Variants in CNTNAP2 observed in about 807,000 individuals in gnomAD.
CNTNAP2 encodes the protein contactin-associated protein-like 2.
Under a neutral mutation model 155.2 loss-of-function variants are expected in CNTNAP2, and 98 were observed. That is an observed-to-expected ratio of 0.63 (90% CI 0.54 to 0.75). The LOEUF is 0.75. Among genes scored for constraint, CNTNAP2 ranks in the 30% least tolerant of loss-of-function variants. The pLI is 0.00. For synonymous variants in CNTNAP2, 651 were observed against 631.2 expected (o/e 1.03, Z -0.47); for missense variants, 1,727 against 1,688.1 (o/e 1.02, Z -0.40).
intron 16 of CNTNAP2, among the ~76,000 whole-genome samples, chr7:148,138,623 G>A (rs1196849032): frequency 6.6e-6 from 1 of 152,152 alleles, no homozygotes; most frequent in South Asian, 2.1e-4. Flanking sequence ...ATCTCTAGGG[G>A]ATCCTTAGGT....
At chr7:147,989,377 C>T (rs1201757516) in intron 15 of CNTNAP2, among the ~76,000 whole-genome samples, 1 of 152,194 alleles carries the variant, frequency 6.6e-6, no homozygotes, top group Non-Finnish European at 1.5e-5. Flanking sequence ...AGATCCTTAC[C>T]TCAGCTGCAA....
chr7:146,825,755 T>G (rs1803388380), intron 2 of CNTNAP2, among the ~76,000 whole-genome samples: 1 of 152,172 alleles, frequency 6.6e-6, no homozygotes, highest in African/African-American at 2.4e-5. Flanking sequence ...CTCATCTTTT[T>G]GTCCTTTCAT....
chr7:147,424,884 A>G (rs1212035294), intron 10 of CNTNAP2, among the ~76,000 whole-genome samples: 1 of 152,130 alleles, frequency 6.6e-6, no homozygotes, highest in Non-Finnish European at 1.5e-5. Flanking sequence ...CATCCAGTCC[A>G]ACCTATCAGG....
intron 13 of CNTNAP2, among the ~76,000 whole-genome samples, chr7:147,899,366 T>C (rs1476882730): frequency 1.3e-5 from 2 of 151,724 alleles, no homozygotes; most frequent in African/African-American, 2.4e-5. Flanking sequence ...TATAAAGTAG[T>C]CAAATCATAG....
At chr7:148,206,180 C>T (rs1328339888) in intron 18 of CNTNAP2, among the ~76,000 whole-genome samples, 1 of 148,466 alleles carries the variant, frequency 6.7e-6, no homozygotes, top group Non-Finnish European at 1.5e-5. Flanking sequence ...CTTGCTCTCA[C>T]ATGGTTCAGG....
At chr7:146,347,208 T>C (rs1024457946) in intron 1 of CNTNAP2, among the ~76,000 whole-genome samples, 15 of 149,706 alleles carry the variant, frequency 1.0e-4, no homozygotes, top group African/African-American at 2.7e-4. Flanking sequence ...TTTTGAATGC[T>C]ATAAAAATAG....
At chr7:148,069,324 T>G (rs1803333376) in intron 15 of CNTNAP2, among the ~76,000 whole-genome samples, 2 of 152,278 alleles carry the variant, frequency 1.3e-5, no homozygotes, top group South Asian at 2.1e-4. Flanking sequence ...GGATGTCAGT[T>G]TAGGCCCCCA....
At chr7:147,431,385 C>A (rs977889039) in intron 10 of CNTNAP2, among the ~76,000 whole-genome samples, 1 of 152,124 alleles carries the variant, frequency 6.6e-6, no homozygotes, top group Non-Finnish European at 1.5e-5. Context: ...AAACTATAAA[C>A]TTTTCCCTGT....
chr7:146,210,652 C>G (rs919368553), intron 1 of CNTNAP2, among the ~76,000 whole-genome samples: 2 of 152,132 alleles, frequency 1.3e-5, no homozygotes, highest in Admixed American at 1.3e-4. Context: ...CAGGCTATAC[C>G]TATATCATAA....
At chr7:148,202,127 T>C (rs1292058531) in intron 18 of CNTNAP2, among the ~76,000 whole-genome samples, 1 of 152,002 alleles carries the variant, frequency 6.6e-6, no homozygotes, top group Non-Finnish European at 1.5e-5. Context: ...GTTGCGGTAT[T>C]TCATATGTGG....
chr7:147,108,749 G>T (rs1178049050), intron 5 of CNTNAP2, among the ~76,000 whole-genome samples: 1 of 152,130 alleles, frequency 6.6e-6, no homozygotes, highest in Admixed American at 6.6e-5. Context: ...AAGGGACTAG[G>T]TTAATACGTC....
chr7:148,193,300 C>T (rs955054329), intron 18 of CNTNAP2, among the ~76,000 whole-genome samples: 1 of 152,132 alleles, frequency 6.6e-6, no homozygotes, highest in South Asian at 2.1e-4. Context: ...AGGGCCAAGG[C>T]CAACCTAGCC....
chr7:147,259,295 G>A (rs73461223), intron 8 of CNTNAP2, among the ~76,000 whole-genome samples: 2,847 of 152,138 alleles, frequency 0.019, 86 homozygotes, highest in African/African-American at 0.065. Flanking sequence ...CAGTACATTT[G>A]TTTTCTCTTT....
intron 1 of CNTNAP2, among the ~76,000 whole-genome samples, chr7:146,667,743 A>G (rs1800223569): frequency 6.6e-6 from 1 of 151,000 alleles, no homozygotes; most frequent in African/African-American, 2.4e-5. Context: ...CACTATTATA[A>G]ATTGGACTGT....
chr7:147,996,268 G>A (rs538930305), intron 15 of CNTNAP2, among the ~76,000 whole-genome samples: 26 of 152,184 alleles, frequency 1.7e-4, no homozygotes, highest in Non-Finnish European at 2.9e-4. Flanking sequence ...ATATTATTGA[G>A]TTTTCCCTAA....
At chr7:147,370,168 T>C (rs186309137) in intron 9 of CNTNAP2, among the ~76,000 whole-genome samples, 1 of 152,338 alleles carries the variant, frequency 6.6e-6, no homozygotes, top group Non-Finnish European at 1.5e-5. Flanking sequence ...GCTACAGATT[T>C]TAATTAAAAA....
At chr7:147,816,802 T>A (rs1168045845) in intron 13 of CNTNAP2, among the ~76,000 whole-genome samples, 2 of 152,170 alleles carry the variant, frequency 1.3e-5, no homozygotes, top group African/African-American at 4.8e-5. Context: ...GCAATGTTAA[T>A]AAAATAACTG....
Position 147,414,814 on chromosome 7 carries a change from G to A in CNTNAP2, c.1670+19034G>A, listed in dbSNP as rs150026346. 9.6e-3 allele frequency among the ~76,000 whole-genome samples: 1,463 copies of A among 151,714 alleles called. 21 individuals carry two copies. Among genetic ancestry groups the A allele is most frequent in the African/African-American group, 0.033 (1,386 of 41,420 alleles). On this transcript the variant is annotated intron_variant, in intron 10 of 23. Coordinates refer to ENST00000361727, the MANE Select transcript of CNTNAP2 (RefSeq NM_014141.6). ...AAATTAGCTGGGCGAGGTGGTGGGCGCCTGTAGTCCCAGCTACGCGGGAGG... is the reference window on the plus strand; with the variant it reads ...AAATTAGCTGGGCGAGGTGGTGGGCACCTGTAGTCCCAGCTACGCGGGAGG...
chr7:147,466,997 T>A (rs12703916), intron 10 of CNTNAP2, among the ~76,000 whole-genome samples: 2 of 152,174 alleles, frequency 1.3e-5, no homozygotes, highest in African/African-American at 2.4e-5. Flanking sequence ...TTAATGTATC[T>A]TATATAGGCT....
Sources: allele counts gnomAD v4.1 joint callset (sites outside exome capture counted in the v4.1 genomes callset), GRCh38; gene constraint gnomAD v4.1.1; transcripts MANE v1.5; gene names NCBI Gene and HGNC (gene_info 2026-07-23, HGNC 2026-07-21).